Variants in RC3H1 observed in about 807,000 individuals in gnomAD.
RC3H1 encodes ring finger and CCCH-type domains 1.
In RC3H1, 50 loss-of-function variants were observed where a neutral mutation model predicts 138.2. That is an observed-to-expected ratio of 0.36 (90% CI 0.29 to 0.46). The LOEUF (loss-of-function observed/expected upper bound fraction) is 0.46. Among genes scored for constraint, RC3H1 ranks in the 20% least tolerant of loss-of-function variants. The probability of loss-of-function intolerance (pLI) is 1.00; values close to 1 mark genes in which losing one functional copy is unlikely to be tolerated. For missense variants in RC3H1, 1,031 were observed against 1,388.1 expected, an observed-to-expected ratio of 0.74 and a Z score of 4.09; for synonymous variants, 462 against 489.1, an observed-to-expected ratio of 0.94 and a Z score of 0.73.
intron 1 of RC3H1, among the ~76,000 whole-genome samples, chr1:174,004,290 T>A (rs1022247148): frequency 6.6e-6 from 1 of 151,626 alleles, no homozygotes; most frequent in South Asian, 2.1e-4. Context: ...TTTTTAAAAA[T>A]TTTTAGTAGA....
intron 1 of RC3H1, among the ~76,000 whole-genome samples, chr1:174,005,287 G>A (rs1230953016): frequency 1.3e-5 from 2 of 152,122 alleles, no homozygotes; most frequent in African/African-American, 4.8e-5. Flanking sequence ...CTACACAAGT[G>A]GCCTCAGGGG....
At chr1:173,978,737 A>G in intron 6 of RC3H1, 117 bp from the exon 7 acceptor site, 1 of 1,067,212 alleles carries the variant, frequency 9.4e-7, no homozygotes, top group Non-Finnish European at 1.3e-6. Flanking sequence ...CTTCCCATAT[A>G]CCCTACACTT....
chr1:173,994,853 A>T (rs1442345329), intron 1 of RC3H1, among the ~76,000 whole-genome samples: 2 of 152,018 alleles, frequency 1.3e-5, no homozygotes, highest in Admixed American at 6.6e-5. Flanking sequence ...GAAAAATTTA[A>T]TTTAGTTAAA....
chr1:173,961,338 G>T, intron 12 of RC3H1, 94 bp from the exon 13 acceptor site: 1 of 1,105,086 alleles, frequency 9.0e-7, no homozygotes, highest in Non-Finnish European at 1.3e-6. Flanking sequence ...TTATGAAACA[G>T]CTTGTATACC....
chr1:173,945,392 C>T (rs1211724867), intron 17 of RC3H1, among the ~76,000 whole-genome samples: 1 of 152,172 alleles, frequency 6.6e-6, no homozygotes, highest in Non-Finnish European at 1.5e-5. Flanking sequence ...TCCCAAAGTG[C>T]TGGGATTACA....
At chr1:174,007,840 TCA>T (rs1409736832) in intron 1 of RC3H1, among the ~76,000 whole-genome samples, 2 of 152,330 alleles carry the variant, frequency 1.3e-5, no homozygotes, top group Admixed American at 6.5e-5. Context: ...GTTAAAATGA[TCA>T]CAGTTAGGAA....
In RC3H1 at chr1:173,965,135, T is replaced by C; in HGVS notation, c.1335-15A>G. ...TTTTACGAAATCTATATAAAAAGCA[T>C]AGGCACATATCAAAAAGCAAATATA... On this transcript the variant is annotated splice_polypyrimidine_tract_variant and intron_variant, in intron 9 of 19. Coordinates refer to ENST00000367696, the MANE Select transcript of RC3H1 (RefSeq NM_172071.4). 1 of 1,581,426 alleles carries C rather than the reference T, an allele frequency of 6.3e-7. No homozygotes were observed. The highest frequency in any genetic ancestry group is 8.6e-7 in the Non-Finnish European group (1 of 1,166,326).
rs1660048481 is a variant in RC3H1, at chr1:173,965,017, C to T, written c.1438G>A (p.Glu480Lys). 6.2e-7 allele frequency: 1 copy of T among 1,614,166 alleles called. No individual in the cohort carries two copies. Among genetic ancestry groups the T allele is most frequent in the African/African-American group, 1.3e-5 (1 of 75,036 alleles). The change falls in exon 10 of 20, where the codon GAA (glutamate) becomes AAA (lysine). Residue 480 changes from glutamate to lysine, a missense_variant. Glu to Lys is a moderately conservative substitution (Grantham distance 56). Coordinates refer to ENST00000367696, the MANE Select transcript of RC3H1 (RefSeq NM_172071.4). ...CTGCTAGGGAGATCCACTGCACCTT[C>T]ATCTGGAAGGATAGCTGCTGAAGGC... Reference protein sequence around the residue: ...GLPSAAILPDEGAVDLPSRKP... With the variant: ...GLPSAAILPDKGAVDLPSRKP...
intron 1 of RC3H1, among the ~76,000 whole-genome samples, chr1:174,017,783 CAAAAAAAAAAAAAAAAAA>C (rs61239660): frequency 1.4e-5 from 1 of 72,038 alleles, no homozygotes; most frequent in East Asian, 4.4e-4. Flanking sequence ...TTTTCTTGCT[CAAAAAAAAAAAAAAAAAA>C]AAAAAAAAAC....
At position 173,935,332 on chromosome 1, in the gene RC3H1, AGAGT is replaced by A. The variant is rs1658539540; in HGVS notation, c.*3385_*3388del. The stretch of plus-strand genomic sequence containing the variant: ...CCTTTCCTAGCGACTCCTTGAAAAA[AGAGT>A]AAGTCAAAATACTTTTATATTTCTC... On this transcript the variant is annotated 3_prime_UTR_variant, in exon 20 of 20. Transcript: ENST00000367696. 1 of 152,178 alleles carries A rather than the reference AGAGT, an allele frequency of 6.6e-6. No individual in the cohort carries two copies. The allele number at this position is 152,178 out of a possible 1,614,324, so 9.4% of individuals were successfully genotyped here. A position where few individuals can be genotyped will look rare whatever the true frequency, so the allele number is the denominator to read the frequency against.
intron 2 of RC3H1, among the ~76,000 whole-genome samples, chr1:173,986,180 C>G (rs530609383): frequency 6.6e-6 from 1 of 152,196 alleles, no homozygotes; most frequent in East Asian, 1.9e-4. Context: ...AGCCACCACA[C>G]TCGACTAACA....
At chr1:174,019,210 A>C (rs1429449171) in intron 1 of RC3H1, among the ~76,000 whole-genome samples, 1 of 152,226 alleles carries the variant, frequency 6.6e-6, no homozygotes, top group Admixed American at 6.5e-5. Context: ...ACAAAAATTT[A>C]AGTGTTTCTT....
intron 15 of RC3H1, 117 bp downstream of exon 15, chr1:173,947,252 T>C: frequency 1.4e-6 from 1 of 711,258 alleles, no homozygotes; most frequent in Non-Finnish European, 2.4e-6. Context: ...CATGGAAAGT[T>C]TGAAAATTAC....
intron 1 of RC3H1, among the ~76,000 whole-genome samples, chr1:174,014,981 C>CTCAGAGTCTAATGAGGTGTTGTATAGG: frequency 6.6e-6 from 1 of 152,248 alleles, no homozygotes; most frequent in East Asian, 1.9e-4. Context: ...TAATGATATA[C>CTCAGAGTCTAATGAGGTGTTGTATAGG]TCAGAGTCTA....
At chr1:173,956,268 T>G (rs2102908071) in intron 13 of RC3H1, among the ~76,000 whole-genome samples, 1 of 152,238 alleles carries the variant, frequency 6.6e-6, no homozygotes, top group African/African-American at 2.4e-5. Flanking sequence ...ACCTTGACCT[T>G]CCAGCAGTGA....
intron 13 of RC3H1, among the ~76,000 whole-genome samples, chr1:173,954,166 T>G (rs185230724): frequency 6.6e-6 from 1 of 152,146 alleles, no homozygotes; most frequent in East Asian, 1.9e-4. Context: ...AGCCAAGATA[T>G]GGAATCAACC....
In RC3H1 at chr1:174,021,989, G is replaced by C. The variant is rs1015968704; in HGVS notation, c.-151+107C>G. The C allele has an allele frequency of 3.3e-4, 127 of 381,504 alleles. 1 individual carries two copies. Among genetic ancestry groups the C allele is most frequent in the Middle Eastern group, 2.0e-3 (3 of 1,486 alleles). The allele number at this position is 381,504 out of a possible 1,614,324, so 23.6% of individuals were successfully genotyped here. A position where few individuals can be genotyped will look rare whatever the true frequency, so the allele number is the denominator to read the frequency against. ...GCTGCCGCTGCCGCGGAGGAGCAGA[G>C]GGCGGGCGAGGACAAACCCTTCCCG... On this transcript the variant is annotated intron_variant, in intron 1 of 19. Transcript: ENST00000367696.
chr1:174,003,473 C>T (rs2103072859), intron 1 of RC3H1, among the ~76,000 whole-genome samples: 1 of 151,934 alleles, frequency 6.6e-6, no homozygotes, highest in Admixed American at 6.6e-5. Context: ...TACCCATCAA[C>T]TCATCAATCG....
intron 6 of RC3H1, among the ~76,000 whole-genome samples, chr1:173,980,028 C>A (rs372512060): frequency 5.9e-5 from 9 of 151,790 alleles, no homozygotes; most frequent in African/African-American, 2.2e-4. Flanking sequence ...TAGGCGCCTA[C>A]CACCACACCT....
Sources: gnomAD v4.1 joint callset for allele counts (sites outside exome capture counted in the v4.1 genomes callset) on GRCh38, gnomAD v4.1.1 for gene constraint, MANE v1.5 for transcripts, NCBI Gene and HGNC (gene_info 2026-07-23, HGNC 2026-07-21) for gene names.